SPOP: variants seen among roughly 807,000 people sequenced by gnomAD.
The protein encoded by SPOP is speckle-type POZ protein.
A neutral mutation model predicts 45.6 loss-of-function variants in SPOP; 11 were observed. The observed-to-expected ratio is 0.24, with a 90% CI of 0.15 to 0.40. The LOEUF is 0.40. SPOP is among the 10% of genes least tolerant of loss of function. SPOP has a pLI of 1.00. For synonymous variants in SPOP, 166 were observed against 166.3 expected (o/e 1.00, Z 0.01); for missense variants, 152 against 465.6 (o/e 0.33, Z 6.20).
intron 6 of SPOP, among the ~76,000 whole-genome samples, chr17:49,610,221 TG>T: frequency 6.6e-6 from 1 of 152,148 alleles, no homozygotes; most frequent in Admixed American, 6.5e-5. Context: ...CCTTGAGTTT[TG>T]TTTTTTTTTC....
chr17:49,627,026 T>A (rs1043269603), intron 1 of SPOP, among the ~76,000 whole-genome samples: 4 of 152,118 alleles, frequency 2.6e-5, no homozygotes, highest in Non-Finnish European at 4.4e-5. Flanking sequence ...ATTTTTTGTG[T>A]TTTTAGTAGA....
intron 1 of SPOP, among the ~76,000 whole-genome samples, chr17:49,671,580 A>T (rs2073136205): frequency 6.6e-6 from 1 of 152,126 alleles, no homozygotes; most frequent in Non-Finnish European, 1.5e-5. Flanking sequence ...AATAAACTAA[A>T]ATCCATGACA....
At chr17:49,620,678 G>T (rs925964410) in intron 3 of SPOP, 1 of 154,172 alleles carries the variant, frequency 6.5e-6, no homozygotes, top group African/African-American at 2.4e-5. Flanking sequence ...AATCTGTTAC[G>T]GAGAGATCAA....
At chr17:49,631,380 G>A (rs188466100) in intron 1 of SPOP, among the ~76,000 whole-genome samples, 49 of 152,214 alleles carry the variant, frequency 3.2e-4, no homozygotes, top group African/African-American at 1.1e-3. Context: ...TAGGGATGCT[G>A]GTTACTCCCA....
At chr17:49,632,868 C>T (rs2072478216) in intron 1 of SPOP, among the ~76,000 whole-genome samples, 1 of 152,180 alleles carries the variant, frequency 6.6e-6, no homozygotes, top group African/African-American at 2.4e-5. Flanking sequence ...TTGTATCTGA[C>T]ACTGGGTTGG....
At chr17:49,630,280 C>T (rs2072426222) in intron 1 of SPOP, among the ~76,000 whole-genome samples, 1 of 152,160 alleles carries the variant, frequency 6.6e-6, no homozygotes, top group Admixed American at 6.5e-5. Context: ...TTTTCTGTTA[C>T]AGTGTGCTCA....
intron 1 of SPOP, among the ~76,000 whole-genome samples, chr17:49,647,329 A>T (rs886227532): frequency 1.5e-4 from 22 of 151,062 alleles, no homozygotes; most frequent in African/African-American, 5.1e-4. Context: ...AAAAAAAAAA[A>T]AAAAAAAAAA....
intron 1 of SPOP, among the ~76,000 whole-genome samples, chr17:49,651,501 C>A (rs574766899): frequency 6.6e-6 from 1 of 152,300 alleles, no homozygotes; most frequent in African/African-American, 2.4e-5. Flanking sequence ...TTGTTCTTGG[C>A]TCCTGTAACC....
intron 5 of SPOP, among the ~76,000 whole-genome samples, chr17:49,617,154 A>C (rs372989111): frequency 5.3e-5 from 8 of 152,212 alleles, no homozygotes; most frequent in Admixed American, 3.3e-4. Context: ...AGCTGCAGTA[A>C]AGGTTATGGT....
At chr17:49,639,967 A>G (rs2072615065) in intron 1 of SPOP, among the ~76,000 whole-genome samples, 1 of 152,126 alleles carries the variant, frequency 6.6e-6, no homozygotes, top group African/African-American at 2.4e-5. Context: ...AAAAATGTTC[A>G]AGCCAGGCAT....
chr17:49,650,180 C>G (rs897669022), intron 1 of SPOP, among the ~76,000 whole-genome samples: 1 of 152,046 alleles, frequency 6.6e-6, no homozygotes, highest in Non-Finnish European at 1.5e-5. Flanking sequence ...TGTGAGCTAC[C>G]GCACCCAGCC....
intron 1 of SPOP, among the ~76,000 whole-genome samples, chr17:49,663,713 A>C (rs1261022463): frequency 1.3e-5 from 2 of 152,216 alleles, no homozygotes; most frequent in African/African-American, 4.8e-5. Context: ...TTTTCCATGG[A>C]ACCCTACTTT....
chr17:49,672,629 C>A (rs1052510777), intron 1 of SPOP, among the ~76,000 whole-genome samples: 21 of 152,126 alleles, frequency 1.4e-4, no homozygotes, highest in African/African-American at 4.8e-4. Flanking sequence ...TTCTACAAGA[C>A]AAACAGCTCG....
intron 1 of SPOP, among the ~76,000 whole-genome samples, chr17:49,632,717 T>C (rs1395049576): frequency 6.6e-6 from 1 of 152,164 alleles, no homozygotes. Context: ...GGTCTCGAAC[T>C]CCTCACCCAC....
chr17:49,669,989 A>T (rs1298060606), intron 1 of SPOP, among the ~76,000 whole-genome samples: 1 of 152,140 alleles, frequency 6.6e-6, no homozygotes, highest in African/African-American at 2.4e-5. Context: ...AACTACTGAC[A>T]TGGCAAGGAG....
rs545894630 is a variant in SPOP, at chr17:49,668,736, CAT to C, written c.-67+9195_-67+9196del. 4.0e-3 allele frequency among the ~76,000 whole-genome samples: 598 copies of C among 150,326 alleles called. 5 individuals are homozygous for C. The highest frequency in any genetic ancestry group is 0.014 in the African/African-American group (567 of 40,982). On this transcript the variant is annotated intron_variant, in intron 1 of 9. Transcript: ENST00000504102. ...ACATATATACACACATATATATTGA[CAT>C]ATATATAGACATATATACACTCATA... is the stretch of plus-strand genomic sequence containing the variant.
At chr17:49,622,489 T>C (rs962512352) in intron 2 of SPOP, 5 of 558,396 alleles carry the variant, frequency 9.0e-6, no homozygotes, top group Non-Finnish European at 1.6e-5. Flanking sequence ...TCAAGGGCAA[T>C]GTAAGCAGAT....
At chr17:49,605,727 C>G (rs900987367) in intron 8 of SPOP, among the ~76,000 whole-genome samples, 1 of 150,866 alleles carries the variant, frequency 6.6e-6, no homozygotes, top group Admixed American at 6.6e-5. Context: ...GTGGCTCACA[C>G]CTGTAATCCC....
intron 1 of SPOP, among the ~76,000 whole-genome samples, chr17:49,637,782 T>A (rs1349371018): frequency 6.6e-6 from 1 of 152,244 alleles, no homozygotes; most frequent in East Asian, 1.9e-4. Flanking sequence ...AGAATTATTA[T>A]AAGTTTTTAT....
Sources: allele counts gnomAD v4.1 joint callset (sites outside exome capture counted in the v4.1 genomes callset), GRCh38; gene constraint gnomAD v4.1.1; transcripts MANE v1.5; gene names NCBI Gene and HGNC (gene_info 2026-07-23, HGNC 2026-07-21).